TRIM33: variants seen among roughly 807,000 people sequenced by gnomAD.
TRIM33 encodes the protein tripartite motif containing 33, also known as E3 ubiquitin-protein ligase TRIM33.
TRIM33 carries 20 observed loss-of-function variants against 125.4 expected under a neutral mutation model. The ratio of observed to expected loss-of-function variants is 0.16; its 90% confidence interval spans 0.11 to 0.23. The LOEUF (loss-of-function observed/expected upper bound fraction) is 0.23. Among genes scored for constraint, TRIM33 ranks in the 10% least tolerant of loss-of-function variants. TRIM33 has a pLI of 1.00. For missense variants in TRIM33, 920 were observed against 1,411.4 expected, an observed-to-expected ratio of 0.65 and a Z score of 5.58; for synonymous variants, 564 against 513.9, an observed-to-expected ratio of 1.10 and a Z score of -1.32.
intron 1 of TRIM33, among the ~76,000 whole-genome samples, chr1:114,500,702 T>C (rs1051908179): frequency 6.7e-6 from 1 of 150,070 alleles, no homozygotes; most frequent in African/African-American, 2.5e-5. Flanking sequence ...ATTACCTTAA[T>C]GAACAAAACT....
At chr1:114,481,687 ATATG>A (rs1345999680) in intron 1 of TRIM33, among the ~76,000 whole-genome samples, 1 of 150,388 alleles carries the variant, frequency 6.6e-6, no homozygotes, top group Non-Finnish European at 1.5e-5. Flanking sequence ...ATATATATAT[ATATG>A]TGTGTATATA....
At chr1:114,417,550 T>C (rs1653015552) in intron 11 of TRIM33, among the ~76,000 whole-genome samples, 1 of 152,198 alleles carries the variant, frequency 6.6e-6, no homozygotes, top group South Asian at 2.1e-4. Flanking sequence ...TTTCCAGGCC[T>C]ACAATCCCAC....
At chr1:114,442,736 A>C (rs1473986619) in intron 4 of TRIM33, among the ~76,000 whole-genome samples, 1 of 151,486 alleles carries the variant, frequency 6.6e-6, no homozygotes, top group East Asian at 1.9e-4. Flanking sequence ...CTCTTAGAAG[A>C]ATTTACGGAA....
intron 15 of TRIM33, chr1:114,405,188 A>G (rs982502220): frequency 4.1e-5 from 19 of 469,060 alleles, no homozygotes; most frequent in Non-Finnish European, 6.0e-5. Context: ...ATATAAACTA[A>G]AGGCCAGGAG....
intron 4 of TRIM33, among the ~76,000 whole-genome samples, chr1:114,447,629 C>T (rs547180630): frequency 9.2e-5 from 14 of 152,248 alleles, no homozygotes; most frequent in African/African-American, 3.1e-4. Flanking sequence ...AGCCCTAAGA[C>T]TATACGTATA....
intron 5 of TRIM33, among the ~76,000 whole-genome samples, chr1:114,432,062 C>G (rs1445506531): frequency 6.6e-6 from 1 of 152,006 alleles, no homozygotes; most frequent in Non-Finnish European, 1.5e-5. Flanking sequence ...GGAGATAGGT[C>G]AGTGAAAAAT....
intron 1 of TRIM33, among the ~76,000 whole-genome samples, chr1:114,486,289 G>A (rs1036060464): frequency 6.6e-6 from 1 of 151,154 alleles, no homozygotes; most frequent in Non-Finnish European, 1.5e-5. Flanking sequence ...ACGGCAATAC[G>A]AATGTCCTTA....
intron 1 of TRIM33, among the ~76,000 whole-genome samples, chr1:114,506,198 A>T (rs1024972015): frequency 1.3e-5 from 2 of 151,956 alleles, no homozygotes; most frequent in African/African-American, 4.8e-5. Flanking sequence ...CCTAGCCTAC[A>T]TGACAAGACC....
chr1:114,451,642 G>A (rs1449895792), intron 4 of TRIM33, among the ~76,000 whole-genome samples: 1 of 151,676 alleles, frequency 6.6e-6, no homozygotes, highest in Non-Finnish European at 1.5e-5. Context: ...TTTAAATAAA[G>A]AGAAAAAAAT....
rs769389904 is a variant in TRIM33, at chr1:114,427,346, A to T, written c.1303-52T>A. The T allele has an allele frequency of 3.1e-6, 3 of 969,256 alleles. 1 individual carries two copies. The South Asian group carries it at 4.6e-5, about 15-fold the overall frequency. The allele number at this position is 969,256 out of a possible 1,614,324, so 60.0% of individuals were successfully genotyped here. On this transcript the variant is annotated intron_variant, in intron 7 of 19. Coordinates refer to ENST00000358465, the MANE Select transcript of TRIM33 (RefSeq NM_015906.4). The stretch of plus-strand genomic sequence containing the variant: ...TCTCAAAATTAAATATCAATTGGGA[A>T]ATCATAAGATAAAGACATTAAGAAA...
intron 4 of TRIM33, among the ~76,000 whole-genome samples, chr1:114,453,244 A>C (rs948801028): frequency 6.6e-6 from 1 of 151,784 alleles, no homozygotes; most frequent in Non-Finnish European, 1.5e-5. Context: ...TCCACCTGTA[A>C]TCCCAGCTAC....
chr1:114,414,910 A>G (rs987776235), intron 11 of TRIM33, among the ~76,000 whole-genome samples: 6 of 152,092 alleles, frequency 3.9e-5, no homozygotes, highest in Non-Finnish European at 8.8e-5. Flanking sequence ...AAAAATAATC[A>G]TAACAACTAA....
At chr1:114,485,073 G>T (rs1033812677) in intron 1 of TRIM33, among the ~76,000 whole-genome samples, 6 of 151,604 alleles carry the variant, frequency 4.0e-5, no homozygotes, top group African/African-American at 1.5e-4. Flanking sequence ...AAAAGTACGT[G>T]TTTATTAAAG....
chr1:114,480,639 G>C (rs1033239618), intron 1 of TRIM33, among the ~76,000 whole-genome samples: 3 of 151,354 alleles, frequency 2.0e-5, no homozygotes, highest in Admixed American at 2.0e-4. Flanking sequence ...CAGTAAAGAA[G>C]GAAAAGAACA....
At chr1:114,415,251 C>G (rs1652863156) in intron 11 of TRIM33, among the ~76,000 whole-genome samples, 1 of 151,944 alleles carries the variant, frequency 6.6e-6, no homozygotes, top group Non-Finnish European at 1.5e-5. Flanking sequence ...CTATCTTGGC[C>G]TCCTCAAAGT....
In TRIM33 at chr1:114,399,508, G is replaced by A. The variant is rs745724340; in HGVS notation, c.3069C>T (p.Asp1023=). ...KHSQHYQIPD[D]FVADVRLIFK... ...AGATCAAACGGACATCGGCCACAAA[G>A]TCATCCGGGATTTGGTAGTGTTGGG... The change falls in exon 18 of 20, where the codon GAC becomes GAT. Residue 1023 remains aspartate (D), a synonymous_variant. Coordinates refer to ENST00000358465, the MANE Select transcript of TRIM33 (RefSeq NM_015906.4). 21 of 1,613,560 alleles carry A rather than the reference G, an allele frequency of 1.3e-5. No homozygotes were observed. Among genetic ancestry groups the A allele is most frequent in the African/African-American group, 1.2e-4 (9 of 74,840 alleles).
At chr1:114,480,893 T>A (rs997054485) in intron 1 of TRIM33, among the ~76,000 whole-genome samples, 1 of 152,090 alleles carries the variant, frequency 6.6e-6, no homozygotes, top group Non-Finnish European at 1.5e-5. Context: ...GATAAAATCA[T>A]GAAAGCTGTT....
chr1:114,501,474 A>G (rs925887407), intron 1 of TRIM33, among the ~76,000 whole-genome samples: 1 of 152,220 alleles, frequency 6.6e-6, no homozygotes, highest in Non-Finnish European at 1.5e-5. Context: ...AGAACAAGGG[A>G]TTCAAAGAGC....
At chr1:114,438,441 C>G (rs1395446108) in intron 4 of TRIM33, among the ~76,000 whole-genome samples, 1 of 152,036 alleles carries the variant, frequency 6.6e-6, no homozygotes, top group Non-Finnish European at 1.5e-5. Context: ...ATCTATACAC[C>G]CACTCACTCC....
Sources: gnomAD v4.1 joint callset for allele counts (sites outside exome capture counted in the v4.1 genomes callset) on GRCh38, gnomAD v4.1.1 for gene constraint, MANE v1.5 for transcripts, NCBI Gene and HGNC (gene_info 2026-07-23, HGNC 2026-07-21) for gene names.